Variants in SORCS3 observed in about 807,000 individuals in gnomAD.
SORCS3 encodes VPS10 domain-containing receptor SorCS3.
SORCS3 carries 57 observed loss-of-function variants against 146.3 expected under a neutral mutation model. The observed-to-expected ratio is 0.39, with a 90% CI of 0.31 to 0.49. The LOEUF (loss-of-function observed/expected upper bound fraction) is 0.49. Among genes scored for constraint, SORCS3 ranks in the 20% least tolerant of loss-of-function variants. The pLI, the probability that SORCS3 is intolerant of heterozygous loss-of-function variation, is 0.92. For missense variants in SORCS3, 1,341 were observed against 1,575.5 expected (o/e 0.85, Z 2.52); for synonymous variants, 653 against 618.5 (o/e 1.06, Z -0.83).
chr10:105,255,186 C>CA (rs35150065), intron 23 of SORCS3, among the ~76,000 whole-genome samples: 9,296 of 31,892 alleles, frequency 0.29, 1,590 homozygotes, highest in Non-Finnish European at 0.33. Context: ...GACTCAGTCT[C>CA]AAAAAAAAAA....
chr10:104,913,079 AATGGGTC>A (rs2018986244), intron 2 of SORCS3, among the ~76,000 whole-genome samples: 2 of 152,146 alleles, frequency 1.3e-5, no homozygotes, highest in South Asian at 4.1e-4. Flanking sequence ...AGTGGCTGGG[AATGGGTC>A]CAGAAAGGGA....
intron 1 of SORCS3, among the ~76,000 whole-genome samples, chr10:104,685,327 C>T (rs2016031879): frequency 6.6e-6 from 1 of 152,166 alleles, no homozygotes; most frequent in Non-Finnish European, 1.5e-5. Flanking sequence ...TGGGTTGCTT[C>T]TAACACCCAG....
At chr10:105,047,102 G>T (rs1589608096) in intron 5 of SORCS3, among the ~76,000 whole-genome samples, 2 of 152,110 alleles carry the variant, frequency 1.3e-5, no homozygotes. Context: ...TCCCTTGGGG[G>T]ATATTTAACA....
intron 3 of SORCS3, among the ~76,000 whole-genome samples, chr10:104,929,146 T>A (rs1035321869): frequency 3.3e-5 from 5 of 152,224 alleles, no homozygotes; most frequent in African/African-American, 1.2e-4. Context: ...ACCTTGAACA[T>A]ATTACTTGAC....
intron 3 of SORCS3, among the ~76,000 whole-genome samples, chr10:104,929,836 C>T (rs2019189130): frequency 6.6e-6 from 1 of 152,220 alleles, no homozygotes; most frequent in African/African-American, 2.4e-5. Flanking sequence ...CAGACAAAGC[C>T]AGCGTGCAAA....
At chr10:104,757,306 G>A (rs759774625) in intron 1 of SORCS3, among the ~76,000 whole-genome samples, 5 of 152,164 alleles carry the variant, frequency 3.3e-5, no homozygotes, top group East Asian at 3.9e-4. Flanking sequence ...CTGCTGGTCC[G>A]GTCAGCAATT....
chr10:104,827,594 C>T (rs981172002), intron 1 of SORCS3, among the ~76,000 whole-genome samples: 1 of 152,078 alleles, frequency 6.6e-6, no homozygotes, highest in African/African-American at 2.4e-5. Context: ...GGAGATTGAG[C>T]ATAATTCTTA....
intron 3 of SORCS3, among the ~76,000 whole-genome samples, chr10:104,964,070 C>G (rs1237129003): frequency 1.3e-5 from 2 of 152,134 alleles, no homozygotes; most frequent in Admixed American, 1.3e-4. Flanking sequence ...TCTCCCTGGT[C>G]TCTTTGATTT....
chr10:105,045,172 A>G (rs931720663), intron 5 of SORCS3, among the ~76,000 whole-genome samples: 8 of 152,154 alleles, frequency 5.3e-5, no homozygotes, highest in African/African-American at 1.4e-4. Flanking sequence ...TAGATGAACC[A>G]TGCCACTGTG....
intron 1 of SORCS3, among the ~76,000 whole-genome samples, chr10:104,658,695 G>C (rs2015662263): frequency 6.6e-6 from 1 of 152,138 alleles, no homozygotes; most frequent in South Asian, 2.1e-4. Context: ...TGATTACTTA[G>C]TGTCTATTAT....
intron 1 of SORCS3, among the ~76,000 whole-genome samples, chr10:104,738,791 C>T (rs1211514774): frequency 6.6e-6 from 1 of 152,158 alleles, no homozygotes; most frequent in African/African-American, 2.4e-5. Context: ...AATATTTTCC[C>T]TTGAGACGCA....
intron 1 of SORCS3, among the ~76,000 whole-genome samples, chr10:104,663,266 C>T (rs879373415): frequency 6.6e-6 from 1 of 152,188 alleles, no homozygotes; most frequent in Non-Finnish European, 1.5e-5. Context: ...AACTCCGTAA[C>T]AACTGCTGTC....
intron 4 of SORCS3, among the ~76,000 whole-genome samples, chr10:105,030,005 T>A (rs926970176): frequency 6.6e-6 from 1 of 152,154 alleles, no homozygotes; most frequent in Admixed American, 6.5e-5. Context: ...ACTTTGAAAT[T>A]TGAGAGCTGC....
At chr10:104,643,175 G>A (rs1227873982) in intron 1 of SORCS3, among the ~76,000 whole-genome samples, 2 of 152,246 alleles carry the variant, frequency 1.3e-5, no homozygotes, top group African/African-American at 4.8e-5. Flanking sequence ...GTCTGTACAA[G>A]CAGCCTTGGG....
chr10:105,003,038 G>C lies in SORCS3; in HGVS notation c.954+25545G>C, dbSNP rs550141309. On this transcript the variant is annotated intron_variant, in intron 4 of 26. Transcript: ENST00000369701. ...ATGCAGGCACAGAAAAGTTCATGCAGCTCATGCATGGTGGCACTGGGAAGT... is the reference window on the plus strand; with the variant it reads ...ATGCAGGCACAGAAAAGTTCATGCACCTCATGCATGGTGGCACTGGGAAGT... 3.9e-5 allele frequency among the ~76,000 whole-genome samples: 6 copies of C among 152,282 alleles called. No individual in the cohort carries two copies. The South Asian group carries it at 1.2e-3, about 32-fold the overall frequency.
At chr10:105,013,461 AAAG>A (rs1404747536) in intron 4 of SORCS3, among the ~76,000 whole-genome samples, 1 of 152,104 alleles carries the variant, frequency 6.6e-6, no homozygotes, top group African/African-American at 2.4e-5. Context: ...TTAAGACTCA[AAAG>A]AAACTGTAGG....
intron 1 of SORCS3, among the ~76,000 whole-genome samples, chr10:104,721,361 G>C (rs1258113690): frequency 1.3e-5 from 2 of 152,226 alleles, no homozygotes; most frequent in Non-Finnish European, 2.9e-5. Context: ...CCAGTACCAT[G>C]CTGTTTTGGT....
chr10:104,696,412 A>C (rs796904178), intron 1 of SORCS3, among the ~76,000 whole-genome samples: 2 of 12,538 alleles, frequency 1.6e-4, no homozygotes, highest in Non-Finnish European at 3.7e-4. Context: ...ATAATATAGA[A>C]TATATATAAT....
chr10:104,976,005 G>A (rs1484853893), intron 3 of SORCS3, among the ~76,000 whole-genome samples: 1 of 152,012 alleles, frequency 6.6e-6, no homozygotes, highest in Non-Finnish European at 1.5e-5. Flanking sequence ...GCATGGGCAA[G>A]GACTTCATGT....
Sources: gnomAD v4.1 joint callset for allele counts (sites outside exome capture counted in the v4.1 genomes callset) on GRCh38, gnomAD v4.1.1 for gene constraint, MANE v1.5 for transcripts, NCBI Gene and HGNC (gene_info 2026-07-23, HGNC 2026-07-21) for gene names.